Variants in KLB observed in about 807,000 individuals in gnomAD.
The protein encoded by KLB is beta-klotho.
A neutral mutation model predicts 88.4 loss-of-function variants in KLB; 44 were observed. The ratio of observed to expected loss-of-function variants is 0.50; its 90% CI spans 0.39 to 0.64. The LOEUF is 0.64. KLB is among the 30% of genes least tolerant of loss of function. The probability of loss-of-function intolerance (pLI) is 0.00; values close to 1 mark genes in which losing one functional copy is unlikely to be tolerated. For synonymous variants in KLB, 548 were observed against 513.4 expected, an observed-to-expected ratio of 1.07 and a Z score of -0.91; for missense variants, 1,137 against 1,304.8, an observed-to-expected ratio of 0.87 and a Z score of 1.98.
chr4:39,433,081 C>T (rs1052056459), intron 1 of KLB, among the ~76,000 whole-genome samples: 3 of 152,066 alleles, frequency 2.0e-5, no homozygotes, highest in African/African-American at 7.2e-5. Context: ...TGTTTCACCA[C>T]GTTGGCCAGG....
chr4:39,425,641 A>T (rs555172847), intron 1 of KLB, among the ~76,000 whole-genome samples: 12 of 152,170 alleles, frequency 7.9e-5, no homozygotes, highest in African/African-American at 2.9e-4. Flanking sequence ...GAGTTTTGCC[A>T]TGTTGCCCAG....
rs1578211201 is a variant in KLB at position 39,436,333 on chromosome 4, A to G, written c.1337-1394A>G. On this transcript the variant is annotated intron_variant, in intron 2 of 4. Transcript: ENST00000257408. ...AAGTTGCAGGAAGGAACAGCATGGA[A>G]CCGAGCCACGCCCAGCTACGGGCCA... 2.0e-5 allele frequency among the ~76,000 whole-genome samples: 3 copies of G among 152,238 alleles called. No individual in the cohort carries two copies. In the South Asian group the frequency reaches 6.2e-4, roughly 32 times the overall value.
At chr4:39,426,590 A>T (rs114678895) in intron 1 of KLB, among the ~76,000 whole-genome samples, 91,884 of 151,526 alleles carry the variant, frequency 0.61, 29,228 homozygotes, top group Admixed American at 0.71. Flanking sequence ...AAACTTTTTA[A>T]AAAAATAGTC....
intron 1 of KLB, among the ~76,000 whole-genome samples, chr4:39,416,305 TGAC>T (rs1395046891): frequency 2.0e-5 from 3 of 152,132 alleles, no homozygotes; most frequent in Non-Finnish European, 4.4e-5. Context: ...TTGTGTATTA[TGAC>T]AATTTCCATA....
intron 1 of KLB, among the ~76,000 whole-genome samples, chr4:39,426,371 C>T (rs977382178): frequency 1.1e-4 from 15 of 140,518 alleles, no homozygotes; most frequent in South Asian, 2.2e-4. Flanking sequence ...ACTGAGATCG[C>T]GCCACTACAC....
At chr4:39,420,354 C>A (rs192372089) in intron 1 of KLB, among the ~76,000 whole-genome samples, 1 of 151,964 alleles carries the variant, frequency 6.6e-6, no homozygotes, top group African/African-American at 2.4e-5. Flanking sequence ...TGAACATCAA[C>A]GTATTATTAT....
At position 39,447,368 on chromosome 4, in the gene KLB, G is replaced by A; in HGVS notation, c.2642G>A (p.Gly881Asp). Reference protein sequence around the residue: ...KLLRWVRRNYGDMDIYITASG... With the variant: ...KLLRWVRRNYDDMDIYITASG... ...CTGCGGTGGGTCCGGAGGAACTACG[G>A]CGACATGGACATTTACATCACCGCC... Residue 881 changes from glycine to aspartate, a missense_variant, in exon 4 of 5, where the codon GGC becomes GAC. Gly to Asp is a moderately conservative substitution (Grantham distance 94). Transcript: ENST00000257408. 2 of 1,613,906 alleles carry A rather than the reference G, an allele frequency of 1.2e-6. No homozygotes were observed. The highest frequency in any genetic ancestry group is 1.7e-6 in the Non-Finnish European group (2 of 1,180,030).
In KLB at chr4:39,434,456, G is replaced by T; in HGVS notation, c.1072G>T (p.Ala358Ser). 1 of 1,614,218 alleles carries T rather than the reference G, an allele frequency of 6.2e-7. No homozygotes were observed. The highest frequency in any genetic ancestry group is 1.1e-5 in the South Asian group (1 of 91,084). Reference protein sequence around the residue: ...LFSVLPIFSEAEKHEMRGTAD... With the variant: ...LFSVLPIFSESEKHEMRGTAD... ...CTCCGTTCTACCCATTTTCTCTGAAGCAGAGAAGCATGAGATGAGAGGCAC... is the reference window on the plus strand; with the variant it reads ...CTCCGTTCTACCCATTTTCTCTGAATCAGAGAAGCATGAGATGAGAGGCAC... The change falls in exon 2 of 5, where the codon GCA becomes TCA. Residue 358 changes from alanine (A) to serine (S), a missense_variant. This residue lies in a region of KLB where 597 missense variants were observed against 765.2 expected (regional missense o/e 0.78). Transcript: ENST00000257408.
At position 39,407,717 on chromosome 4, in the gene KLB, C is replaced by T. The variant is rs745651023; in HGVS notation, c.768C>T (p.Ala256=). 5 of 1,608,976 alleles carry T rather than the reference C, an allele frequency of 3.1e-6. No homozygotes were observed. Among genetic ancestry groups the T allele is most frequent in the Non-Finnish European group, 3.4e-6 (4 of 1,175,752 alleles). Residue 256 remains alanine, a synonymous_variant, in exon 1 of 5, where the codon GCC becomes GCT. Coordinates refer to ENST00000257408, the MANE Select transcript of KLB (RefSeq NM_175737.4). Reference sequence around the variant, plus strand: ...ATGGGTATGGGACAGGTATGCATGCCCCTGGAGAGAAGGGAAATTTAGCAG... The same window carrying T: ...ATGGGTATGGGACAGGTATGCATGCTCCTGGAGAGAAGGGAAATTTAGCAG... The part of the protein sequence containing the change: ...AWHGYGTGMH[A]PGEKGNLAAV...
At chr4:39,417,475 G>A (rs955509031) in intron 1 of KLB, among the ~76,000 whole-genome samples, 2 of 152,068 alleles carry the variant, frequency 1.3e-5, no homozygotes, top group Non-Finnish European at 2.9e-5. Flanking sequence ...CGCCACGCCT[G>A]GCTAATTTTG....
intron 1 of KLB, among the ~76,000 whole-genome samples, chr4:39,423,159 T>C (rs1184250175): frequency 1.3e-5 from 2 of 151,922 alleles, no homozygotes; most frequent in African/African-American, 4.9e-5. Flanking sequence ...ACTTAGCTTT[T>C]GACATCAGTG....
chr4:39,431,089 G>GTTTTT (rs1311213447), intron 1 of KLB, among the ~76,000 whole-genome samples: 1 of 77,050 alleles, frequency 1.3e-5, no homozygotes, highest in Non-Finnish European at 2.9e-5. Context: ...GCTAATTTTT[G>GTTTTT]TATTTTTTTT....
chr4:39,435,571 G>A (rs1743456582), intron 2 of KLB, among the ~76,000 whole-genome samples: 1 of 152,052 alleles, frequency 6.6e-6, no homozygotes, highest in Non-Finnish European at 1.5e-5. Flanking sequence ...GATTACAGGT[G>A]TCTGCCACCA....
chr4:39,448,654 CCATTAAAGAAAGG>C lies in KLB; in HGVS notation c.3106_3118del (p.Leu1036ArgfsTer43). On this transcript the variant is annotated frameshift_variant, in exon 5 of 5. Transcript: ENST00000257408. LOFTEE classifies it high-confidence loss of function. ...GAAAGCAAAAAACTTACAACACATA[CCATTAAAGAAAGG>C]CAAGAGAGTTGTTAGCTAAACTGAT... The C allele has an allele frequency of 6.2e-7, 1 of 1,611,990 alleles. No homozygotes were observed. Among genetic ancestry groups the C allele is most frequent in the Non-Finnish European group, 8.5e-7 (1 of 1,179,796 alleles).
rs1743813834 is a variant in KLB, at chr4:39,448,512, C to G, written c.2961C>G (p.Val987=). 6.2e-7 allele frequency: 1 copy of G among 1,614,162 alleles called. No homozygotes were observed. The highest frequency in any genetic ancestry group is 8.5e-7 in the Non-Finnish European group (1 of 1,180,000). The stretch of plus-strand genomic sequence containing the variant: ...CCCAAGAAAATACAGAGTGCACTGT[C>G]TGCTTATTCCTTGTGCAGAAGAAAC... ...SQTQENTECT[V]CLFLVQKKPL... The change falls in exon 5 of 5, where the codon GTC becomes GTG. Residue 987 remains valine (V), a synonymous_variant. Coordinates refer to ENST00000257408, the MANE Select transcript of KLB (RefSeq NM_175737.4).
At chr4:39,424,996 C>A (rs886446042) in intron 1 of KLB, among the ~76,000 whole-genome samples, 1 of 152,114 alleles carries the variant, frequency 6.6e-6, no homozygotes, top group Non-Finnish European at 1.5e-5. Flanking sequence ...AGTCACCAAC[C>A]CAGACCATTT....
intron 1 of KLB, among the ~76,000 whole-genome samples, chr4:39,420,608 T>C (rs1209047233): frequency 6.6e-6 from 1 of 152,086 alleles, no homozygotes; most frequent in Admixed American, 6.6e-5. Flanking sequence ...CACTGCAGCC[T>C]CAACTTCCTG....
intron 1 of KLB, among the ~76,000 whole-genome samples, chr4:39,409,566 G>C (rs1252630994): frequency 6.6e-6 from 1 of 151,220 alleles, no homozygotes; most frequent in Admixed American, 6.6e-5. Context: ...TGGGATTACA[G>C]GTGTGAGCCA....
chr4:39,437,916 C>T lies in KLB; in HGVS notation c.1526C>T (p.Ser509Phe), dbSNP rs146223862. ...CAGATCATACGAGAAAATGGTTTTT[C>T]TTTAAAAGAGTCCACGCCAGATGTG... ...YKQIIRENGF[S>F]LKESTPDVQG... The change falls in exon 3 of 5, where the codon TCT becomes TTT. Residue 509 changes from serine (S) to phenylalanine (F), a missense_variant. Around this residue, in one of 4 missense-constraint regions of KLB, gnomAD observed 597 missense variants for 765.2 expected, o/e 0.78. Transcript: ENST00000257408. The T allele has an allele frequency of 1.9e-6, 3 of 1,614,052 alleles. No individual in the cohort carries two copies. The African/African-American group carries it at 4.0e-5, about 22-fold the overall frequency.
Sources: gnomAD v4.1 joint callset for allele counts (sites outside exome capture counted in the v4.1 genomes callset) on GRCh38, gnomAD v4.1.1 for gene constraint, gnomAD v4.1.1 regional missense constraint, MANE v1.5 for transcripts, NCBI Gene and HGNC (gene_info 2026-07-23, HGNC 2026-07-21) for gene names.